The following SYNE2 variants were observed in gnomAD, a reference collection of about 807,000 sequenced individuals.
SYNE2 encodes nesprin-2.
SYNE2 carries 431 observed loss-of-function variants against 856.3 expected under a neutral mutation model. The ratio of observed to expected loss-of-function variants is 0.50; its 90% CI spans 0.47 to 0.55. The LOEUF is 0.55. Among genes scored for constraint, SYNE2 ranks in the 20% least tolerant of loss-of-function variants. The probability of loss-of-function intolerance (pLI) is 0.00; values close to 1 mark genes in which losing one functional copy is unlikely to be tolerated. For missense variants in SYNE2, 8,129 were observed against 8,023.2 expected, an observed-to-expected ratio of 1.01 and a Z score of -0.50; for synonymous variants, 2,923 against 2,872.3, an observed-to-expected ratio of 1.02 and a Z score of -0.56.
At chr14:63,814,505 A>AAT (rs1048814270) in intron 1 of SYNE2, among the ~76,000 whole-genome samples, 9 of 69,104 alleles carry the variant, frequency 1.3e-4, no homozygotes, top group South Asian at 5.3e-4. Flanking sequence ...CCATATATAT[A>AAT]ATATATATAT....
Position 63,986,440 on chromosome 14 carries a change from C to T in SYNE2, c.2152-16C>T. 3 of 1,613,586 alleles carry T rather than the reference C, an allele frequency of 1.9e-6. 1 individual carries two copies. The South Asian group carries it at 3.3e-5, about 18-fold the overall frequency. On this transcript the variant is annotated splice_polypyrimidine_tract_variant and intron_variant, in intron 18 of 115. Transcript: ENST00000555002. ...ACATGCTGACATTTTCTCAGTGGTA[C>T]TTTTGAATGTTGTAGGCTGGAGAGA...
rs574093957 is a variant in SYNE2 at position 64,170,293 on chromosome 14, G to A, written c.17066G>A (p.Arg5689Gln). ...TGGCAGAATGCTGTCCAGGGTGTTC[G>A]GCAGAGGAAGGGTGACGTTGATGGG... ...DRWQNAVQGVRQRKGDVDGLV... is the reference protein window; with the variant it reads ...DRWQNAVQGVQQRKGDVDGLV... Residue 5689 changes from arginine (R) to glutamine (Q), a missense_variant, in exon 94 of 116, where the codon CGG becomes CAG. By Grantham distance (43) the Arg-to-Gln change is conservative (BLOSUM62 1). Around this residue, in one of 3 missense-constraint regions of SYNE2, gnomAD observed 5,410 missense variants for 5,284.8 expected, o/e 1.02. Coordinates refer to ENST00000555002, the MANE Select transcript of SYNE2 (RefSeq NM_182914.3). 28 of 1,614,072 alleles carry A rather than the reference G, an allele frequency of 1.7e-5. No homozygotes were observed. The highest frequency in any genetic ancestry group is 1.7e-4 in the Middle Eastern group (1 of 6,020).
chr14:64,211,966 C>G lies in SYNE2; in HGVS notation c.18729C>G (p.Phe6243Leu), dbSNP rs2098643724. The change falls in exon 104 of 116, where the codon TTC (phenylalanine) becomes TTG (leucine). Residue 6243 changes from phenylalanine to leucine, a missense_variant. Physicochemically the swap from Phe to Leu is conservative, Grantham distance 22 (BLOSUM62 0). Transcript: ENST00000555002. ...TTTCCTCCCCACTTTTGCAGCATTT[C>G]ACCAACCAGAGGGAAGAATTTGAGG... ...VTAVLRRLRH[F>L]TNQREEFEGT... The G allele has an allele frequency of 6.2e-7, 1 of 1,614,094 alleles. No individual in the cohort carries two copies. The highest frequency in any genetic ancestry group is 2.2e-5 in the East Asian group (1 of 44,870).
At chr14:64,216,473 C>A (rs776795091) in intron 108 of SYNE2, 86 bp downstream of exon 108, 2 of 1,421,592 alleles carry the variant, frequency 1.4e-6, no homozygotes, top group South Asian at 2.3e-5. Context: ...GTGTAAACTG[C>A]GTGTATTCAT....
chr14:63,941,423 T>C (rs1294297834), intron 3 of SYNE2, among the ~76,000 whole-genome samples: 1 of 152,210 alleles, frequency 6.6e-6, no homozygotes, highest in Non-Finnish European at 1.5e-5. Flanking sequence ...TAAAAGTCTT[T>C]AATGCCACTT....
At chr14:64,164,920 T>C (rs1463095709) in intron 89 of SYNE2, among the ~76,000 whole-genome samples, 1 of 152,038 alleles carries the variant, frequency 6.6e-6, no homozygotes, top group Non-Finnish European at 1.5e-5. Flanking sequence ...CAGGGTCTTA[T>C]TCTGTCACCC....
rs542226125 is a variant in SYNE2, at chr14:64,006,785, G to A, written c.4398-258G>A. Among the ~76,000 whole-genome samples the A allele has an allele frequency of 3.2e-4, 49 of 152,186 alleles. 2 individuals carry two copies. The highest frequency in any genetic ancestry group is 3.1e-3 in the Admixed American group (48 of 15,278). On this transcript the variant is annotated intron_variant, in intron 30 of 115. Coordinates refer to ENST00000555002, the MANE Select transcript of SYNE2 (RefSeq NM_182914.3). The stretch of plus-strand genomic sequence containing the variant: ...TGAGGCTGCAGTGAGCTGAGATTGC[G>A]CCACTGCACTCAGCGTAGGTGACAG...
At chr14:63,947,480 G>A (rs2096054569) in intron 6 of SYNE2, among the ~76,000 whole-genome samples, 1 of 152,174 alleles carries the variant, frequency 6.6e-6, no homozygotes, top group African/African-American at 2.4e-5. Flanking sequence ...TGTATGTTAT[G>A]TTGAAACAAT....
In SYNE2 at chr14:64,034,457, C is replaced by A. The variant is rs1468629826; in HGVS notation, c.7221+3100C>A. On this transcript the variant is annotated intron_variant, in intron 45 of 115. Transcript: ENST00000555002. ...AAGAATTTTTAGAAAGTTTTTATTT[C>A]TTTTACTTTTTCTTTAGTAAATGTC... 4 of 462,084 alleles carry A rather than the reference C, an allele frequency of 8.7e-6. No homozygotes were observed. In the East Asian group the frequency reaches 9.7e-5, roughly 11 times the overall value. The allele number at this position is 462,084 out of a possible 1,614,324, so 28.6% of individuals were successfully genotyped here.
chr14:63,968,619 T>C (rs1015204301), intron 11 of SYNE2, among the ~76,000 whole-genome samples: 2 of 152,236 alleles, frequency 1.3e-5, no homozygotes, highest in African/African-American at 4.8e-5. Context: ...TACATAACTT[T>C]GTGCACTTGA....
rs746685880 is a variant in SYNE2, at chr14:64,186,592, A to G, written c.17712+13A>G. 1 of 1,614,130 alleles carries G rather than the reference A, an allele frequency of 6.2e-7. No homozygotes were observed. Among genetic ancestry groups the G allele is most frequent in the Non-Finnish European group, 8.5e-7 (1 of 1,180,014 alleles). ...CCTCTGCTTAAGGGTAAGTCAGCTC[A>G]CTGCAGGGCACGGCTGTTTGGGAGT... On this transcript the variant is annotated intron_variant, in intron 97 of 115. Transcript: ENST00000555002.
At chr14:63,772,722 G>A (rs969677540) in intron 1 of SYNE2, among the ~76,000 whole-genome samples, 3 of 151,954 alleles carry the variant, frequency 2.0e-5, no homozygotes, top group Admixed American at 6.6e-5. Context: ...TAGCCTGGGC[G>A]GCAGAGCAAG....
At chr14:64,131,557 GTTTTTTGTT>G (rs2098021217) in intron 76 of SYNE2, among the ~76,000 whole-genome samples, 1 of 152,052 alleles carries the variant, frequency 6.6e-6, no homozygotes, top group Non-Finnish European at 1.5e-5. Context: ...AGTGACATCT[GTTTTTTGTT>G]TGTTTGTTTT....
intron 106 of SYNE2, 109 bp from the exon 107 acceptor site, chr14:64,215,177 T>G: frequency 9.7e-7 from 1 of 1,032,908 alleles, no homozygotes; most frequent in South Asian, 1.3e-5. Context: ...ATTAAAAAAA[T>G]AAAGGGTAGT....
At chr14:63,895,805 A>C (rs1476205405) in intron 1 of SYNE2, among the ~76,000 whole-genome samples, 2 of 150,880 alleles carry the variant, frequency 1.3e-5, no homozygotes, top group Non-Finnish European at 1.5e-5. Flanking sequence ...ACCTAGAAAA[A>C]ATTTACATTT....
chr14:64,213,478 G>A (rs780712006), intron 105 of SYNE2, among the ~76,000 whole-genome samples: 1 of 152,170 alleles, frequency 6.6e-6, no homozygotes, highest in African/African-American at 2.4e-5. Context: ...TTCCCCAGAC[G>A]AAAGGCCCTT....
At chr14:63,956,492 C>T (rs529911563) in intron 8 of SYNE2, 2 of 455,252 alleles carry the variant, frequency 4.4e-6, no homozygotes, top group Non-Finnish European at 8.8e-6. Flanking sequence ...TCAGCTAGTT[C>T]CAGCACACTC....
At chr14:64,152,049 C>T (rs1483543751) in intron 84 of SYNE2, among the ~76,000 whole-genome samples, 1 of 152,006 alleles carries the variant, frequency 6.6e-6, no homozygotes, top group African/African-American at 2.4e-5. Context: ...GTCAGGGTGC[C>T]TCTTATGAGT....
intron 6 of SYNE2, among the ~76,000 whole-genome samples, chr14:63,944,824 C>CTTTTGTTTTTTTTTTTTTTT (rs2095996462): frequency 2.1e-5 from 1 of 46,932 alleles, no homozygotes; most frequent in African/African-American, 1.0e-4. Flanking sequence ...GGGCTTAAAG[C>CTTTTGTTTTTTTTTTTTTTT]TTTTTTTTTT....
Sources: allele counts gnomAD v4.1 joint callset (sites outside exome capture counted in the v4.1 genomes callset), GRCh38; gene constraint gnomAD v4.1.1; regional missense constraint gnomAD v4.1.1; transcripts MANE v1.5; gene names NCBI Gene and HGNC (gene_info 2026-07-23, HGNC 2026-07-21).